ADAMTS19: variants seen among roughly 807,000 people sequenced by gnomAD.
The protein encoded by ADAMTS19 is ADAM metallopeptidase with thrombospondin type 1 motif 19, also known as A disintegrin and metalloproteinase with thrombospondin motifs 19.
ADAMTS19 carries 93 observed loss-of-function variants against 153.3 expected under a neutral mutation model. The ratio of observed to expected loss-of-function variants is 0.61; its 90% CI spans 0.51 to 0.72. The LOEUF (loss-of-function observed/expected upper bound fraction) is 0.72, where lower values mean the gene tolerates loss of function less well. Ranked by LOEUF, ADAMTS19 falls within the 30% of genes least tolerant of loss-of-function variation. The pLI is 0.00. For synonymous variants in ADAMTS19, 600 were observed against 556.6 expected, an observed-to-expected ratio of 1.08 and a Z score of -1.10; for missense variants, 1,482 against 1,552.1, an observed-to-expected ratio of 0.95 and a Z score of 0.76.
chr5:129,515,424 G>T (rs1366814703), intron 3 of ADAMTS19, among the ~76,000 whole-genome samples: 2 of 151,934 alleles, frequency 1.3e-5, no homozygotes, highest in Non-Finnish European at 2.9e-5. Context: ...TCCAACCCAT[G>T]AACATGGAAT....
At position 129,694,042 on chromosome 5, in the gene ADAMTS19, C is replaced by T. The variant is rs560222096; in HGVS notation, c.2819-678C>T. ...ACATGTTTATGTGCTTTCAGAAAGG[C>T]TCATTAGGGAGATTAACTTTATGGA... is the stretch of plus-strand genomic sequence containing the variant. On this transcript the variant is annotated intron_variant, in intron 18 of 22. Coordinates refer to ENST00000274487, the MANE Select transcript of ADAMTS19 (RefSeq NM_133638.6). Among the ~76,000 whole-genome samples, 7 of 152,168 alleles carry T rather than the reference C, an allele frequency of 4.6e-5. No individual in the cohort carries two copies. The South Asian group carries it at 1.0e-3, about 23-fold the overall frequency.
rs1753695067 is a variant in ADAMTS19, at chr5:129,658,639, T to TGGCAAG, written c.2327_2328insGGCAAG (p.Leu776_Gly777insAlaArg). 6.2e-7 allele frequency: 1 copy of TGGCAAG among 1,612,942 alleles called. No individual in the cohort carries two copies. The highest frequency in any genetic ancestry group is 8.5e-7 in the Non-Finnish European group (1 of 1,179,532). ...CAGAAAGTTGGCTGTGATGGTTTAT[T>TGGCAAG]AGGGTCTCTTGCAAGAGAAGATCAT... On this transcript the variant is annotated inframe_insertion, in exon 15 of 23. Transcript: ENST00000274487.
chr5:129,555,685 C>T (rs976405717), intron 7 of ADAMTS19, among the ~76,000 whole-genome samples: 1 of 152,128 alleles, frequency 6.6e-6, no homozygotes, highest in Non-Finnish European at 1.5e-5. Context: ...TCCTGTTATT[C>T]CCCATGGAGA....
At chr5:129,483,992 T>C (rs1750506149) in intron 2 of ADAMTS19, among the ~76,000 whole-genome samples, 1 of 152,190 alleles carries the variant, frequency 6.6e-6, no homozygotes, top group African/African-American at 2.4e-5. Context: ...AGTTACACTC[T>C]CACTAACTGT....
intron 7 of ADAMTS19, among the ~76,000 whole-genome samples, chr5:129,594,299 C>G (rs1370387945): frequency 6.6e-6 from 1 of 152,068 alleles, no homozygotes; most frequent in Non-Finnish European, 1.5e-5. Context: ...TGTCCTAGTC[C>G]ATGTGACAAA....
At chr5:129,548,820 T>C (rs1274764961) in intron 6 of ADAMTS19, among the ~76,000 whole-genome samples, 2 of 151,674 alleles carry the variant, frequency 1.3e-5, no homozygotes. Context: ...ATGTGGCACA[T>C]ATACACCATA....
Position 129,623,008 on chromosome 5 carries a change from C to T in ADAMTS19, c.1770+660C>T, listed in dbSNP as rs146523463. On this transcript the variant is annotated intron_variant, in intron 10 of 22. Transcript: ENST00000274487. Reference sequence around the variant, plus strand: ...TCTTATATGGAAATGGGTAAAAATGCGATATGAAAATATAATTGATAAAAA... The same window carrying T: ...TCTTATATGGAAATGGGTAAAAATGTGATATGAAAATATAATTGATAAAAA... Among the ~76,000 whole-genome samples the T allele has an allele frequency of 5.6e-4, 85 of 151,526 alleles. No individual in the cohort carries two copies. The East Asian group carries it at 0.013, about 22-fold the overall frequency.
chr5:129,498,149 T>G (rs73242243), intron 2 of ADAMTS19, among the ~76,000 whole-genome samples: 15,272 of 152,102 alleles, frequency 0.1, 959 homozygotes, highest in African/African-American at 0.18. Flanking sequence ...TTGGCTTGTA[T>G]GTAGGTTTTC....
At chr5:129,582,444 G>C in intron 7 of ADAMTS19, among the ~76,000 whole-genome samples, 1 of 150,682 alleles carries the variant, frequency 6.6e-6, no homozygotes, top group East Asian at 1.9e-4. Flanking sequence ...CTTTTCATTT[G>C]CTTGTAAATA....
chr5:129,531,813 A>G (rs968116569), intron 6 of ADAMTS19, among the ~76,000 whole-genome samples: 18 of 152,334 alleles, frequency 1.2e-4, no homozygotes, highest in African/African-American at 3.8e-4. Context: ...ATGCAAATCA[A>G]TGAAGCAAAA....
At chr5:129,567,541 G>T (rs1753759496) in intron 7 of ADAMTS19, among the ~76,000 whole-genome samples, 5 of 151,998 alleles carry the variant, frequency 3.3e-5, no homozygotes, top group South Asian at 2.1e-4. Context: ...TTAGAATTAA[G>T]AATAAAATAA....
At chr5:129,625,407 G>T (rs890838241) in intron 10 of ADAMTS19, among the ~76,000 whole-genome samples, 6 of 152,078 alleles carry the variant, frequency 3.9e-5, no homozygotes, top group African/African-American at 1.4e-4. Flanking sequence ...TTGAGGAATC[G>T]CCACACTGTC....
Position 129,654,430 on chromosome 5 carries a change from C to T in ADAMTS19, c.2301C>T (p.Cys767=), listed in dbSNP as rs2127055913. ...TAGATATCTGTGCAAATGGCAGGTGCCAGGTAAGACATTCCAAAAAAAAAA... is the reference window on the plus strand; with the variant it reads ...TAGATATCTGTGCAAATGGCAGGTGTCAGGTAAGACATTCCAAAAAAAAAA... ...QGLDICANGR[C]QKVGCDGLLG... The change falls in exon 14 of 23, where the codon TGC becomes TGT. Residue 767 remains cysteine (C), a synonymous_variant. Coordinates refer to ENST00000274487, the MANE Select transcript of ADAMTS19 (RefSeq NM_133638.6). The T allele has an allele frequency of 6.3e-7, 1 of 1,598,878 alleles. No homozygotes were observed. The highest frequency in any genetic ancestry group is 8.5e-7 in the Non-Finnish European group (1 of 1,176,550).
chr5:129,566,274 GA>G (rs1198170736), intron 7 of ADAMTS19, among the ~76,000 whole-genome samples: 10 of 151,882 alleles, frequency 6.6e-5, no homozygotes, highest in South Asian at 4.2e-4. Flanking sequence ...TTGCATCATA[GA>G]AAAAAAATAT....
In ADAMTS19 at chr5:129,559,893, ATTATT is replaced by A. The variant is rs763750430; in HGVS notation, c.1372+7992_1372+7996del. Among the ~76,000 whole-genome samples the A allele has an allele frequency of 3.3e-5, 5 of 152,110 alleles. No individual in the cohort carries two copies. In the East Asian group the frequency reaches 5.8e-4, roughly 18 times the overall value. ...CTCAATTAGATTTATTCACATATTT[ATTATT>A]TTATTAGTTTTTATTAGTTCTTCAT... On this transcript the variant is annotated intron_variant, in intron 7 of 22. Transcript: ENST00000274487.
At chr5:129,615,315 A>C (rs1751461295) in intron 8 of ADAMTS19, among the ~76,000 whole-genome samples, 1 of 152,000 alleles carries the variant, frequency 6.6e-6, no homozygotes, top group African/African-American at 2.4e-5. Context: ...TGAAAATCAG[A>C]TTGATATCAG....
chr5:129,507,417 C>T (rs1056007273), intron 2 of ADAMTS19, among the ~76,000 whole-genome samples: 2 of 151,800 alleles, frequency 1.3e-5, no homozygotes, highest in Non-Finnish European at 2.9e-5. Context: ...TCTTGTTTCT[C>T]ATTAAATTAA....
intron 8 of ADAMTS19, among the ~76,000 whole-genome samples, chr5:129,611,157 T>G (rs1156303694): frequency 1.3e-5 from 2 of 152,214 alleles, no homozygotes; most frequent in African/African-American, 4.8e-5. Flanking sequence ...CTTGTAAATT[T>G]CGTTGAGTTC....
At chr5:129,466,970 T>C (rs1167653392) in intron 2 of ADAMTS19, among the ~76,000 whole-genome samples, 2 of 152,226 alleles carry the variant, frequency 1.3e-5, no homozygotes, top group Non-Finnish European at 2.9e-5. Context: ...TTTATAATTG[T>C]TTCATTTCAA....
Sources: gnomAD v4.1 joint callset for allele counts (sites outside exome capture counted in the v4.1 genomes callset) on GRCh38, gnomAD v4.1.1 for gene constraint, MANE v1.5 for transcripts, NCBI Gene and HGNC (gene_info 2026-07-23, HGNC 2026-07-21) for gene names.